The following NPAS3 variants were observed in gnomAD, a reference collection of about 807,000 sequenced individuals.
The protein encoded by NPAS3 is neuronal PAS domain-containing protein 3.
A neutral mutation model predicts 73.1 loss-of-function variants in NPAS3; 14 were observed. The observed-to-expected ratio is 0.19, with a 90% CI of 0.13 to 0.30. The LOEUF (loss-of-function observed/expected upper bound fraction) is 0.30, where lower values mean the gene tolerates loss of function less well. Among genes scored for constraint, NPAS3 ranks in the 10% least tolerant of loss-of-function variants. NPAS3 has a pLI of 1.00. For missense variants in NPAS3, 1,096 were observed against 1,250.0 expected, an observed-to-expected ratio of 0.88 and a Z score of 1.86; for synonymous variants, 620 against 541.5, an observed-to-expected ratio of 1.14 and a Z score of -2.01.
chr14:33,776,616 C>T lies in NPAS3; in HGVS notation c.1047-1850C>T, dbSNP rs2062829237. ...ACAATACAGCATTATTTCCCATCTACAGATGATAGTAATTATGAAAAATAC... is the reference window on the plus strand; with the variant it reads ...ACAATACAGCATTATTTCCCATCTATAGATGATAGTAATTATGAAAAATAC... On this transcript the variant is annotated intron_variant, in intron 8 of 11. Coordinates refer to ENST00000356141, the Ensembl canonical transcript of NPAS3. Among the ~76,000 whole-genome samples, 3 of 133,342 alleles carry T rather than the reference C, an allele frequency of 2.2e-5. No homozygotes were observed. The South Asian group carries it at 8.2e-4, about 36-fold the overall frequency. 87.5% of individuals were successfully genotyped at this position (133,342 alleles called of 152,430 possible). A position where few individuals can be genotyped will look rare whatever the true frequency, so the allele number is the denominator to read the frequency against.
At chr14:32,987,836 C>CT (rs1222285534) in intron 1 of NPAS3, among the ~76,000 whole-genome samples, 1 of 152,078 alleles carries the variant, frequency 6.6e-6, no homozygotes, top group Non-Finnish European at 1.5e-5. Context: ...ATTACCATGA[C>CT]TTAATTTGGA....
In NPAS3 at chr14:33,006,156, C is replaced by T. The variant is rs571993080; in HGVS notation, c.51-49749C>T. On this transcript the variant is annotated intron_variant, in intron 1 of 11. Transcript: ENST00000356141. ...CAACTCAGTGCTTCCCTGCTTCTCC[C>T]TTCAGAACATTCCTAATCAGGACTC... is the stretch of plus-strand genomic sequence containing the variant. Among the ~76,000 whole-genome samples the T allele has an allele frequency of 3.3e-4, 50 of 152,300 alleles. 1 individual carries two copies. In the South Asian group the frequency reaches 0.01, roughly 31 times the overall value.
intron 2 of NPAS3, among the ~76,000 whole-genome samples, chr14:33,180,341 T>C (rs897692294): frequency 1.3e-5 from 2 of 151,202 alleles, no homozygotes; most frequent in African/African-American, 4.9e-5. Context: ...CTTACCTGTC[T>C]GTGGCACTAT....
intron 6 of NPAS3, chr14:33,680,603 T>A: frequency 1.4e-6 from 1 of 702,874 alleles, no homozygotes; most frequent in Non-Finnish European, 2.6e-6. Context: ...CTGTCTCCAG[T>A]GGTTTGCTTC....
At chr14:33,727,067 T>C (rs563972947) in intron 6 of NPAS3, among the ~76,000 whole-genome samples, 11 of 152,282 alleles carry the variant, frequency 7.2e-5, no homozygotes, top group African/African-American at 2.4e-4. Flanking sequence ...CAAGTGCCTC[T>C]GTAACCAGAC....
chr14:33,285,848 C>A (rs2041851960), intron 3 of NPAS3, among the ~76,000 whole-genome samples: 1 of 152,150 alleles, frequency 6.6e-6, no homozygotes. Flanking sequence ...GAATTGAAAG[C>A]TTTATGTATG....
intron 7 of NPAS3, among the ~76,000 whole-genome samples, chr14:33,757,309 G>A (rs912026941): frequency 6.6e-5 from 10 of 152,314 alleles, no homozygotes; most frequent in African/African-American, 1.9e-4. Context: ...GTTTTTAAAT[G>A]CACCACCTCA....
chr14:33,679,132 C>T (rs2059859107), intron 6 of NPAS3, among the ~76,000 whole-genome samples: 1 of 152,216 alleles, frequency 6.6e-6, no homozygotes, highest in African/African-American at 2.4e-5. Flanking sequence ...ACTCTGCCTT[C>T]CACATCACTT....
intron 3 of NPAS3, among the ~76,000 whole-genome samples, chr14:33,303,740 C>T (rs2042644801): frequency 6.6e-6 from 1 of 152,090 alleles, no homozygotes; most frequent in African/African-American, 2.4e-5. Flanking sequence ...AGTGAAACAT[C>T]TTATTGTATA....
intron 5 of NPAS3, among the ~76,000 whole-genome samples, chr14:33,654,166 C>CA (rs1301113881): frequency 6.7e-6 from 1 of 148,228 alleles, no homozygotes; most frequent in Non-Finnish European, 1.5e-5. Context: ...AGGGAATCCA[C>CA]AATCCTGTGC....
Position 33,086,066 on chromosome 14 carries a change from T to C in NPAS3, c.140+30072T>C, listed in dbSNP as rs535054776. Among the ~76,000 whole-genome samples the C allele has an allele frequency of 1.8e-4, 27 of 152,286 alleles. No homozygotes were observed. In the South Asian group the frequency reaches 1.9e-3, roughly 11 times the overall value. ...CAAGGTTATTATACTTTCTCTTCTG[T>C]GACACTCAGAAAGGCTGTAGATACT... On this transcript the variant is annotated intron_variant, in intron 2 of 11. Coordinates refer to ENST00000356141, the Ensembl canonical transcript of NPAS3.
chr14:33,404,782 C>G (rs1399555216), intron 4 of NPAS3, among the ~76,000 whole-genome samples: 2 of 152,046 alleles, frequency 1.3e-5, no homozygotes, highest in Non-Finnish European at 2.9e-5. Flanking sequence ...AGATTCTACC[C>G]TCTGGAATGA....
At chr14:33,577,155 G>A (rs932993303) in intron 5 of NPAS3, among the ~76,000 whole-genome samples, 1 of 152,114 alleles carries the variant, frequency 6.6e-6, no homozygotes, top group African/African-American at 2.4e-5. Flanking sequence ...CAGAAATATG[G>A]TGTTCTTTAA....
rs182380119 is a variant in NPAS3 at position 33,145,460 on chromosome 14, G to T, written c.141-69722G>T. Among the ~76,000 whole-genome samples the T allele has an allele frequency of 3.9e-5, 6 of 152,128 alleles. No homozygotes were observed. In the East Asian group the frequency reaches 7.7e-4, roughly 20 times the overall value. ...GGTTTTGTTTTTAAATTTCTATAGTGCTTCTTCAGTTTTGGCCTTGACTTT... is the reference window on the plus strand; with the variant it reads ...GGTTTTGTTTTTAAATTTCTATAGTTCTTCTTCAGTTTTGGCCTTGACTTT... On this transcript the variant is annotated intron_variant, in intron 2 of 11. Transcript: ENST00000356141.
intron 9 of NPAS3, 25 bp from the exon 10 acceptor site, chr14:33,793,872 C>G (rs902644858): frequency 2.5e-6 from 4 of 1,598,632 alleles, no homozygotes; most frequent in Non-Finnish European, 3.4e-6. Flanking sequence ...TAATACAATG[C>G]CTCTGTTTTG....
chr14:33,567,896 A>G (rs989955641), intron 5 of NPAS3, among the ~76,000 whole-genome samples: 36 of 152,344 alleles, frequency 2.4e-4, no homozygotes, highest in East Asian at 1.9e-4. Flanking sequence ...TCCTTTGAAC[A>G]TATTTTTCCA....
At chr14:33,392,079 A>C (rs1297798250) in intron 4 of NPAS3, among the ~76,000 whole-genome samples, 1 of 152,194 alleles carries the variant, frequency 6.6e-6, no homozygotes, top group East Asian at 1.9e-4. Flanking sequence ...CTATGAAGTC[A>C]TATATTGTAA....
At chr14:33,797,385 G>A (rs1469600276) in intron 10 of NPAS3, 72 bp from the exon 11 acceptor site, 8 of 1,521,522 alleles carry the variant, frequency 5.3e-6, no homozygotes, top group Non-Finnish European at 6.3e-6. Context: ...CAAAGAAGTG[G>A]GGGAGAAGAT....
intron 1 of NPAS3, among the ~76,000 whole-genome samples, chr14:32,954,635 T>C (rs2036604966): frequency 6.6e-6 from 1 of 152,124 alleles, no homozygotes; most frequent in South Asian, 2.1e-4. Flanking sequence ...CTCTTCCCTA[T>C]ACCCTTCTCC....
Sources: allele counts gnomAD v4.1 joint callset (sites outside exome capture counted in the v4.1 genomes callset), GRCh38; gene constraint gnomAD v4.1.1; transcripts MANE v1.5; gene names NCBI Gene and HGNC (gene_info 2026-07-23, HGNC 2026-07-21).